Variants in MAF observed in about 807,000 individuals in gnomAD.
MAF encodes the protein MAF bZIP transcription factor.
MAF carries 10 observed loss-of-function variants against 22.0 expected under a neutral mutation model. The observed-to-expected ratio is 0.45, with a 90% CI of 0.28 to 0.77. MAF has a LOEUF of 0.77. Among genes scored for constraint, MAF ranks in the 30% least tolerant of loss-of-function variants. MAF has a pLI of 0.12. For synonymous variants in MAF, 337 were observed against 255.8 expected (o/e 1.32, Z -3.03); for missense variants, 544 against 548.4 (o/e 0.99, Z 0.08).
chr16:79,365,708 T>G, the MAF span, among the ~76,000 whole-genome samples: 1 of 152,184 alleles, frequency 6.6e-6, no homozygotes, highest in African/African-American at 2.4e-5. Context: ...AAAATGTTTT[T>G]ATGTCCCCCA....
At chr16:79,362,264 G>C in the MAF span, among the ~76,000 whole-genome samples, 1 of 152,208 alleles carries the variant, frequency 6.6e-6, no homozygotes, top group Non-Finnish European at 1.5e-5. Flanking sequence ...TCTGTTGTTT[G>C]TGTTAGAGTG....
chr16:79,476,607 C>T, the MAF span, among the ~76,000 whole-genome samples: 1 of 152,068 alleles, frequency 6.6e-6, no homozygotes, highest in Non-Finnish European at 1.5e-5. Context: ...TTTTCATCTT[C>T]CAAATGAGAG....
the MAF span, among the ~76,000 whole-genome samples, chr16:79,491,893 G>A: frequency 6.6e-6 from 1 of 152,152 alleles, no homozygotes; most frequent in South Asian, 2.1e-4. Flanking sequence ...CCGGCTGTGA[G>A]TGCAGCCCCT....
the MAF span, among the ~76,000 whole-genome samples, chr16:79,228,616 C>G: frequency 3.9e-5 from 6 of 152,076 alleles, no homozygotes; most frequent in Non-Finnish European, 8.8e-5. Flanking sequence ...TGGTTGGCAC[C>G]TTTGATCATA....
chr16:79,527,032 T>A, the MAF span, among the ~76,000 whole-genome samples: 3 of 152,224 alleles, frequency 2.0e-5, no homozygotes, highest in Non-Finnish European at 4.4e-5. Flanking sequence ...AGGGGCCTCT[T>A]GGGAGCTGCT....
chr16:79,296,299 A>T, the MAF span, among the ~76,000 whole-genome samples: 1 of 152,202 alleles, frequency 6.6e-6, no homozygotes, highest in Admixed American at 6.5e-5. Flanking sequence ...TAATCTTTTT[A>T]AAAAATCAGC....
chr16:79,514,982 C>T, the MAF span, among the ~76,000 whole-genome samples: 18 of 152,162 alleles, frequency 1.2e-4, no homozygotes, highest in African/African-American at 4.1e-4. Flanking sequence ...GCCACCATTA[C>T]CGTGCTCAAG....
chr16:79,367,569 C>T, the MAF span, among the ~76,000 whole-genome samples: 2 of 152,172 alleles, frequency 1.3e-5, no homozygotes, highest in African/African-American at 4.8e-5. Flanking sequence ...GGATATATGG[C>T]AGCACTGTCC....
chr16:79,251,667 A>C, the MAF span, among the ~76,000 whole-genome samples: 1 of 152,094 alleles, frequency 6.6e-6, no homozygotes, highest in Non-Finnish European at 1.5e-5. Context: ...AAGAAATCAA[A>C]CCAATGTCAA....
chr16:79,514,513 G>T, the MAF span, among the ~76,000 whole-genome samples: 1 of 152,290 alleles, frequency 6.6e-6, no homozygotes, highest in Admixed American at 6.5e-5. Context: ...GACTGTATCA[G>T]CTTATGACCC....
the MAF span, among the ~76,000 whole-genome samples, chr16:79,335,626 C>A: frequency 2.6e-5 from 4 of 152,106 alleles, no homozygotes; most frequent in African/African-American, 9.7e-5. Flanking sequence ...CAGGGACCCC[C>A]AAGGGGAAGG....
chr16:79,492,680 C>G, the MAF span, among the ~76,000 whole-genome samples: 1 of 152,026 alleles, frequency 6.6e-6, no homozygotes, highest in Non-Finnish European at 1.5e-5. Flanking sequence ...CACACAACTG[C>G]CGTTCAGCAA....
At chr16:79,265,720 T>C in the MAF span, among the ~76,000 whole-genome samples, 1 of 152,188 alleles carries the variant, frequency 6.6e-6, no homozygotes. Context: ...GCACACAATG[T>C]TTTTCCTATC....
chr16:79,524,896 T>C, the MAF span, among the ~76,000 whole-genome samples: 3 of 152,180 alleles, frequency 2.0e-5, no homozygotes, highest in East Asian at 1.9e-4. Flanking sequence ...TAGGAGACAA[T>C]GTGGCCAACA....
chr16:79,444,742 C>A, the MAF span, among the ~76,000 whole-genome samples: 14 of 152,316 alleles, frequency 9.2e-5, no homozygotes, highest in South Asian at 2.3e-3. Flanking sequence ...CCACAGAATG[C>A]TGCTTTGAAG....
At chr16:79,291,094 T>C in the MAF span, among the ~76,000 whole-genome samples, 1 of 152,160 alleles carries the variant, frequency 6.6e-6, no homozygotes, top group Non-Finnish European at 1.5e-5. Flanking sequence ...CCATTACAAA[T>C]CACAGAAGCC....
the MAF span, among the ~76,000 whole-genome samples, chr16:79,219,872 C>T: frequency 2.0e-4 from 30 of 152,180 alleles, no homozygotes; most frequent in African/African-American, 7.2e-4. Context: ...ATGTTTATAT[C>T]CTTTCAATAT....
chr16:79,548,191 A>C, the MAF span, among the ~76,000 whole-genome samples: 1 of 152,236 alleles, frequency 6.6e-6, no homozygotes, highest in Admixed American at 6.5e-5. Context: ...AGATTTGATT[A>C]AAACACATTA....
the MAF span, among the ~76,000 whole-genome samples, chr16:79,412,186 T>TA: frequency 1.3e-5 from 2 of 152,236 alleles, no homozygotes; most frequent in South Asian, 4.1e-4. Flanking sequence ...GCAAGTACAA[T>TA]ATGGCAAAGA....
Sources: allele counts gnomAD v4.1 joint callset (sites outside exome capture counted in the v4.1 genomes callset), GRCh38; gene constraint gnomAD v4.1.1; transcripts MANE v1.5; gene names NCBI Gene and HGNC (gene_info 2026-07-23, HGNC 2026-07-21).